SKAP2: variants seen among roughly 807,000 people sequenced by gnomAD.
The protein encoded by SKAP2 is src kinase-associated phosphoprotein 2.
In SKAP2, 28 loss-of-function variants were observed where a neutral mutation model predicts 54.9. The ratio of observed to expected loss-of-function variants is 0.51; its 90% CI spans 0.38 to 0.70. SKAP2 has a LOEUF of 0.70. Ranked by LOEUF, SKAP2 falls within the 30% of genes least tolerant of loss-of-function variation. The pLI is 0.00. For synonymous variants in SKAP2, 137 were observed against 134.3 expected (o/e 1.02, Z -0.14); for missense variants, 356 against 424.1 (o/e 0.84, Z 1.41).
chr7:26,848,987 T>C (rs1387812363), intron 3 of SKAP2, among the ~76,000 whole-genome samples: 1 of 152,218 alleles, frequency 6.6e-6, no homozygotes, highest in Non-Finnish European at 1.5e-5. Context: ...GTCCCATCAT[T>C]TCAAACATGC....
intron 4 of SKAP2, among the ~76,000 whole-genome samples, chr7:26,803,434 T>G (rs1032531405): frequency 6.6e-6 from 1 of 152,162 alleles, no homozygotes; most frequent in African/African-American, 2.4e-5. Flanking sequence ...CTCACCCCAG[T>G]TAAAATGGCT....
At chr7:26,737,519 C>A (rs78110884) in intron 6 of SKAP2, among the ~76,000 whole-genome samples, 1,605 of 152,180 alleles carry the variant, frequency 0.011, 24 homozygotes, top group African/African-American at 0.037. Flanking sequence ...GACAATCTTA[C>A]CTGTATGTTT....
chr7:26,693,741 A>G lies in SKAP2; in HGVS notation c.797-3379T>C, dbSNP rs1407818109. ...TTTCCATTTTAAACCTGGTAGCGATATTTTTAAACCAAAGCTTTATGCATT... is the reference window on the plus strand; with the variant it reads ...TTTCCATTTTAAACCTGGTAGCGATGTTTTTAAACCAAAGCTTTATGCATT... On this transcript the variant is annotated intron_variant, in intron 9 of 12. Transcript: ENST00000345317. Among the ~76,000 whole-genome samples, 5 of 152,298 alleles carry G rather than the reference A, an allele frequency of 3.3e-5. No individual in the cohort carries two copies. The East Asian group carries it at 9.6e-4, about 29-fold the overall frequency.
chr7:26,706,867 T>G (rs112387009), intron 9 of SKAP2, among the ~76,000 whole-genome samples: 1,806 of 152,334 alleles, frequency 0.012, 36 homozygotes, highest in African/African-American at 0.041. Context: ...GTATTAGTCT[T>G]AGCTTATAAA....
chr7:26,799,316 G>A (rs77474172), intron 4 of SKAP2, among the ~76,000 whole-genome samples: 6,656 of 151,662 alleles, frequency 0.044, 346 homozygotes, highest in East Asian at 0.28. Context: ...TTGCCTTACA[G>A]GAAACACATT....
chr7:26,791,500 G>T (rs1783673536), intron 4 of SKAP2, among the ~76,000 whole-genome samples: 1 of 151,886 alleles, frequency 6.6e-6, no homozygotes, highest in Admixed American at 6.6e-5. Context: ...TTTAAAAGCT[G>T]GTTATGCTTA....
chr7:26,702,231 T>A (rs1297389410), intron 9 of SKAP2, among the ~76,000 whole-genome samples: 2 of 152,170 alleles, frequency 1.3e-5, no homozygotes, highest in Non-Finnish European at 2.9e-5. Context: ...CTCAGCACAC[T>A]GAAACCTCTA....
At chr7:26,788,391 T>C (rs965553231) in intron 4 of SKAP2, among the ~76,000 whole-genome samples, 1 of 151,906 alleles carries the variant, frequency 6.6e-6, no homozygotes, top group Non-Finnish European at 1.5e-5. Context: ...GAAAAAAATG[T>C]TATAAGAGAA....
chr7:26,796,171 G>A (rs76389819), intron 4 of SKAP2, among the ~76,000 whole-genome samples: 13 of 152,174 alleles, frequency 8.5e-5, no homozygotes, highest in Non-Finnish European at 1.8e-4. Flanking sequence ...ATGATGCTAC[G>A]AAAAGTCAAC....
intron 4 of SKAP2, among the ~76,000 whole-genome samples, chr7:26,770,120 AG>A (rs1783154252): frequency 6.6e-6 from 1 of 152,170 alleles, no homozygotes; most frequent in Non-Finnish European, 1.5e-5. Flanking sequence ...CCCCTGACTG[AG>A]GCTGCTGCCT....
intron 6 of SKAP2, 112 bp from the exon 7 acceptor site, chr7:26,727,118 G>A: frequency 1.3e-6 from 1 of 772,844 alleles, no homozygotes; most frequent in South Asian, 2.1e-5. Flanking sequence ...TGGTCATATT[G>A]CTTTAGTAAT....
At chr7:26,763,051 A>G (rs1782967327) in intron 4 of SKAP2, among the ~76,000 whole-genome samples, 1 of 152,186 alleles carries the variant, frequency 6.6e-6, no homozygotes, top group Non-Finnish European at 1.5e-5. Context: ...CTCACTGACC[A>G]ATTGAAGTTT....
intron 3 of SKAP2, among the ~76,000 whole-genome samples, chr7:26,852,748 T>A (rs1758140634): frequency 6.6e-6 from 1 of 152,200 alleles, no homozygotes; most frequent in South Asian, 2.1e-4. Flanking sequence ...ACACAATTAC[T>A]TCATATCATG....
intron 4 of SKAP2, among the ~76,000 whole-genome samples, chr7:26,755,556 G>C (rs1402695232): frequency 6.6e-6 from 1 of 152,136 alleles, no homozygotes; most frequent in East Asian, 1.9e-4. Flanking sequence ...AACATGAAAA[G>C]AGATGAGTGT....
chr7:26,668,968 G>T lies in SKAP2; in HGVS notation c.*698C>A, dbSNP rs571569859. On this transcript the variant is annotated 3_prime_UTR_variant, in exon 13 of 13. Coordinates refer to ENST00000345317, the MANE Select transcript of SKAP2 (RefSeq NM_003930.5). ...AAACAAAAGTACAGTAGAAAATGTT[G>T]CCAGGCCCATCATCGCACCAGGATA... The T allele has an allele frequency of 6.6e-6, 1 of 152,158 alleles. No homozygotes were observed. Among genetic ancestry groups the T allele is most frequent in the Non-Finnish European group, 1.5e-5 (1 of 68,004 alleles). 9.4% of individuals were successfully genotyped at this position (152,158 alleles called of 1,614,324 possible). A position where few individuals can be genotyped will look rare whatever the true frequency, so the allele number is the denominator to read the frequency against.
chr7:26,864,180 C>T (rs892655326), intron 1 of SKAP2, among the ~76,000 whole-genome samples, 183 bp downstream of exon 1: 1 of 151,916 alleles, frequency 6.6e-6, no homozygotes, highest in African/African-American at 2.4e-5. Context: ...TCAACACACA[C>T]GTCCACTCCC....
In SKAP2 at chr7:26,797,040, G is replaced by A. The variant is rs562597502; in HGVS notation, c.307+46990C>T. The stretch of plus-strand genomic sequence containing the variant: ...ATCTGGAGGAGATAAAGAAAATAGG[G>A]CATCTTCATCCATGAATCAGAAGTG... On this transcript the variant is annotated intron_variant, in intron 4 of 12. Coordinates refer to ENST00000345317, the MANE Select transcript of SKAP2 (RefSeq NM_003930.5). Among the ~76,000 whole-genome samples the A allele has an allele frequency of 2.6e-5, 4 of 152,314 alleles. No individual in the cohort carries two copies. In the South Asian group the frequency reaches 8.3e-4, roughly 32 times the overall value.
chr7:26,794,975 G>A (rs1783744218), intron 4 of SKAP2, among the ~76,000 whole-genome samples: 2 of 152,316 alleles, frequency 1.3e-5, no homozygotes, highest in African/African-American at 4.8e-5. Context: ...TCAGCCTCTT[G>A]AACCTGGTGC....
At chr7:26,802,087 A>G in intron 4 of SKAP2, among the ~76,000 whole-genome samples, 1 of 152,162 alleles carries the variant, frequency 6.6e-6, no homozygotes, top group Admixed American at 6.5e-5. Flanking sequence ...GGAATCGCAT[A>G]TCTAACTTCA....
Sources: allele counts gnomAD v4.1 joint callset (sites outside exome capture counted in the v4.1 genomes callset), GRCh38; gene constraint gnomAD v4.1.1; transcripts MANE v1.5; gene names NCBI Gene and HGNC (gene_info 2026-07-23, HGNC 2026-07-21).